Variants in CLVS1 observed in about 807,000 individuals in gnomAD.
CLVS1 encodes the protein clavesin 1, also known as clavesin-1.
CLVS1 carries 10 observed loss-of-function variants against 33.1 expected under a neutral mutation model. That is an observed-to-expected ratio of 0.30 (90% CI 0.19 to 0.51). CLVS1 has a LOEUF of 0.51. Among genes scored for constraint, CLVS1 ranks in the 20% least tolerant of loss-of-function variants. The pLI is 0.97. For missense variants in CLVS1, 343 were observed against 433.4 expected, an observed-to-expected ratio of 0.79 and a Z score of 1.85; for synonymous variants, 163 against 166.1, an observed-to-expected ratio of 0.98 and a Z score of 0.14.
At chr8:61,389,770 C>G (rs527914807) in intron 3 of CLVS1, among the ~76,000 whole-genome samples, 1 of 152,034 alleles carries the variant, frequency 6.6e-6, no homozygotes, top group South Asian at 2.1e-4. Flanking sequence ...GAAGCCAGCA[C>G]GGAAGTGCAT....
At chr8:61,135,131 C>T (rs1301163412) in intron 2 of CLVS1, among the ~76,000 whole-genome samples, 1 of 151,136 alleles carries the variant, frequency 6.6e-6, no homozygotes, top group Non-Finnish European at 1.5e-5. Context: ...ATCTAGAAAG[C>T]CAAAAAGAGA....
At chr8:61,423,387 AT>A (rs1159695824) in intron 3 of CLVS1, among the ~76,000 whole-genome samples, 1 of 152,242 alleles carries the variant, frequency 6.6e-6, no homozygotes, top group African/African-American at 2.4e-5. Flanking sequence ...AATGATGCTC[AT>A]TAGCTTACTC....
chr8:61,211,124 C>T (rs976879786), intron 2 of CLVS1, among the ~76,000 whole-genome samples: 26 of 152,146 alleles, frequency 1.7e-4, no homozygotes, highest in African/African-American at 5.1e-4. Flanking sequence ...GGCCAATGTA[C>T]GAATCGTGGG....
chr8:61,236,571 T>C (rs1554548834), intron 2 of CLVS1, among the ~76,000 whole-genome samples: 1 of 152,112 alleles, frequency 6.6e-6, no homozygotes, highest in Non-Finnish European at 1.5e-5. Context: ...ATTTTACAAA[T>C]GCAGCAGCAG....
intron 2 of CLVS1, among the ~76,000 whole-genome samples, chr8:61,155,563 T>TA (rs1399577747): frequency 2.0e-5 from 3 of 152,056 alleles, no homozygotes; most frequent in Non-Finnish European, 2.9e-5. Context: ...ATTTTTTTTT[T>TA]AATTTCAGAA....
intron 2 of CLVS1, among the ~76,000 whole-genome samples, chr8:61,147,720 G>A (rs1325745321): frequency 3.3e-5 from 5 of 152,148 alleles, no homozygotes; most frequent in African/African-American, 7.2e-5. Flanking sequence ...AATTTTATTG[G>A]AAATGATAGC....
intron 2 of CLVS1, among the ~76,000 whole-genome samples, chr8:61,174,266 A>G (rs2129299091): frequency 6.6e-6 from 1 of 152,290 alleles, no homozygotes; most frequent in East Asian, 1.9e-4. Flanking sequence ...TCTGCAAACC[A>G]CACAGATGTT....
intron 1 of CLVS1, among the ~76,000 whole-genome samples, chr8:61,065,985 G>A (rs914312548): frequency 6.6e-6 from 1 of 152,126 alleles, no homozygotes; most frequent in East Asian, 1.9e-4. Context: ...GTGAGACCTG[G>A]AACATAACAT....
chr8:61,065,927 G>T (rs1028300685), intron 1 of CLVS1, among the ~76,000 whole-genome samples: 1 of 152,168 alleles, frequency 6.6e-6, no homozygotes, highest in African/African-American at 2.4e-5. Flanking sequence ...AATACACATA[G>T]CATGTTGTGA....
Position 61,331,808 on chromosome 8 carries a change from C to CTCCTCCTCCTCCTCT in CLVS1, c.455+31541_455+31555dup, listed in dbSNP as rs1220270499. Among the ~76,000 whole-genome samples, 670 of 148,970 alleles carry CTCCTCCTCCTCCTCT rather than the reference C, an allele frequency of 4.5e-3. 5 individuals are homozygous for CTCCTCCTCCTCCTCT. The highest frequency in any genetic ancestry group is 0.015 in the African/African-American group (611 of 39,428). ...CCTCCAGCTTCTTCTTCTTCTTCTC[C>CTCCTCCTCCTCCTCT]TCCTCCTCCTCCTCTTCCTCCTCCT... On this transcript the variant is annotated intron_variant, in intron 2 of 5. Coordinates refer to ENST00000325897, the MANE Select transcript of CLVS1 (RefSeq NM_173519.3).
At chr8:60,974,390 C>T in the CLVS1 span, among the ~76,000 whole-genome samples, 2 of 152,190 alleles carry the variant, frequency 1.3e-5, no homozygotes, top group African/African-American at 2.4e-5. Flanking sequence ...TGGGGAATCA[C>T]CTACTTGATT....
chr8:61,331,635 A>G lies in CLVS1; in HGVS notation c.455+31353A>G, dbSNP rs527418257. Among the ~76,000 whole-genome samples the G allele has an allele frequency of 1.2e-4, 18 of 151,726 alleles. No individual in the cohort carries two copies. In the South Asian group the frequency reaches 3.7e-3, roughly 32 times the overall value. On this transcript the variant is annotated intron_variant, in intron 2 of 5. Transcript: ENST00000325897. ...TCCTGTCCTTCTCTGCACTTTTCAC[A>G]TAGGGCATAACACTTCCTCTCTAAG...
At chr8:60,986,867 G>C in the CLVS1 span, among the ~76,000 whole-genome samples, 1 of 152,144 alleles carries the variant, frequency 6.6e-6, no homozygotes, top group East Asian at 1.9e-4. Flanking sequence ...CAATATAGTA[G>C]TATCATTCCT....
chr8:60,967,464 A>G, the CLVS1 span: 2 of 332,082 alleles, frequency 6.0e-6, no homozygotes, highest in Middle Eastern at 1.1e-3. Context: ...GAAGCCGCAT[A>G]GAGACATAAA....
At chr8:61,086,189 T>C (rs1290623575) in intron 1 of CLVS1, among the ~76,000 whole-genome samples, 3 of 151,686 alleles carry the variant, frequency 2.0e-5, no homozygotes, top group Non-Finnish European at 4.4e-5. Context: ...ATTTCGCTAT[T>C]GCACTCCAGC....
chr8:61,067,354 G>T lies in CLVS1; in HGVS notation c.-243+10124G>T, dbSNP rs897557363. Among the ~76,000 whole-genome samples, 4 of 150,906 alleles carry T rather than the reference G, an allele frequency of 2.7e-5. No homozygotes were observed. In the East Asian group the frequency reaches 7.7e-4, roughly 29 times the overall value. On this transcript the variant is annotated intron_variant, in intron 1 of 2. Coordinates refer to the CLVS1 transcript ENST00000522621. ...AATAAATGGTTGCTAAATTATATAT[G>T]TGGGTGTATATATAATGTGTGTGTA...
chr8:61,325,205 T>TAC (rs150282296), intron 2 of CLVS1, among the ~76,000 whole-genome samples: 7,335 of 150,324 alleles, frequency 0.049, 445 homozygotes, highest in East Asian at 0.18. Flanking sequence ...TACACACACA[T>TAC]ACACACACAC....
chr8:61,273,472 G>C (rs1399486186), intron 2 of CLVS1, among the ~76,000 whole-genome samples: 1 of 152,220 alleles, frequency 6.6e-6, no homozygotes, highest in African/African-American at 2.4e-5. Context: ...CCCAGAGGTG[G>C]AGCCTACAGA....
chr8:61,349,758 G>A (rs1209114629), intron 2 of CLVS1, among the ~76,000 whole-genome samples: 1 of 152,074 alleles, frequency 6.6e-6, no homozygotes, highest in African/African-American at 2.4e-5. Context: ...CCAAAAGTCA[G>A]AAATAGTAAT....
Sources: allele counts gnomAD v4.1 joint callset (sites outside exome capture counted in the v4.1 genomes callset), GRCh38; gene constraint gnomAD v4.1.1; transcripts MANE v1.5; gene names NCBI Gene and HGNC (gene_info 2026-07-23, HGNC 2026-07-21).